GALNTL6: variants seen among roughly 807,000 people sequenced by gnomAD.
GALNTL6 encodes the protein polypeptide N-acetylgalactosaminyltransferase-like 6.
A neutral mutation model predicts 73.7 loss-of-function variants in GALNTL6; 46 were observed. That is an observed-to-expected ratio of 0.62 (90% CI 0.49 to 0.80). The LOEUF (loss-of-function observed/expected upper bound fraction) is 0.80. Among genes scored for constraint, GALNTL6 ranks in the 30% least tolerant of loss-of-function variants. The pLI is 0.00. For synonymous variants in GALNTL6, 259 were observed against 263.7 expected (o/e 0.98, Z 0.17); for missense variants, 604 against 755.0 (o/e 0.80, Z 2.34).
At chr4:171,910,509 A>G (rs945578996) in intron 2 of GALNTL6, among the ~76,000 whole-genome samples, 1 of 152,100 alleles carries the variant, frequency 6.6e-6, no homozygotes, top group African/African-American at 2.4e-5. Flanking sequence ...TTTAATCATT[A>G]AAGCACCCTA....
intron 2 of GALNTL6, among the ~76,000 whole-genome samples, chr4:172,182,775 C>T (rs568950054): frequency 4.0e-5 from 6 of 151,436 alleles, no homozygotes; most frequent in South Asian, 4.2e-4. Flanking sequence ...TATGACAAAC[C>T]GTAAATTCAT....
intron 2 of GALNTL6, among the ~76,000 whole-genome samples, chr4:171,887,238 C>A (rs182370368): frequency 1.4e-4 from 21 of 152,208 alleles, no homozygotes; most frequent in African/African-American, 3.9e-4. Context: ...AACCCCACCT[C>A]CCAACATTTG....
intron 5 of GALNTL6, among the ~76,000 whole-genome samples, chr4:172,701,176 T>C (rs1224227934): frequency 1.3e-5 from 2 of 152,124 alleles, no homozygotes; most frequent in Non-Finnish European, 1.5e-5. Flanking sequence ...GATAAATTGA[T>C]TTTTCAGTAG....
intron 2 of GALNTL6, among the ~76,000 whole-genome samples, chr4:171,824,651 A>T (rs1413299826): frequency 6.6e-6 from 1 of 152,186 alleles, no homozygotes; most frequent in Non-Finnish European, 1.5e-5. Flanking sequence ...GATTGGAAAA[A>T]GAGAAAAAAC....
intron 2 of GALNTL6, among the ~76,000 whole-genome samples, chr4:171,996,579 T>C (rs1740491301): frequency 6.6e-6 from 1 of 152,052 alleles, no homozygotes; most frequent in Non-Finnish European, 1.5e-5. Context: ...CTGTTACTAT[T>C]AGGATTATTA....
chr4:172,236,273 A>G (rs1483439311), intron 3 of GALNTL6, among the ~76,000 whole-genome samples: 1 of 152,204 alleles, frequency 6.6e-6, no homozygotes, highest in Non-Finnish European at 1.5e-5. Flanking sequence ...TAATCTTTAT[A>G]AAAGTATATT....
chr4:172,146,733 A>C (rs571472350), intron 2 of GALNTL6, among the ~76,000 whole-genome samples: 2 of 152,324 alleles, frequency 1.3e-5, no homozygotes, highest in African/African-American at 4.8e-5. Context: ...GCAGGGACCC[A>C]GTGCAGAGTC....
chr4:172,694,691 A>G (rs1047817696), intron 5 of GALNTL6, among the ~76,000 whole-genome samples: 4 of 152,208 alleles, frequency 2.6e-5, no homozygotes, highest in Admixed American at 2.0e-4. Context: ...TGAGGAAAGT[A>G]GGGTTATTTC....
chr4:172,714,295 G>A (rs990565752), intron 5 of GALNTL6, among the ~76,000 whole-genome samples: 5 of 116,790 alleles, frequency 4.3e-5, no homozygotes, highest in African/African-American at 6.7e-5. Flanking sequence ...TACAGTGGTG[G>A]TTTCACACCA....
chr4:173,008,208 C>T (rs1427724062), intron 10 of GALNTL6, among the ~76,000 whole-genome samples: 1 of 152,234 alleles, frequency 6.6e-6, no homozygotes, highest in Non-Finnish European at 1.5e-5. Context: ...TCACTCGCCT[C>T]CATCACATCC....
At chr4:172,423,168 C>A (rs1310147091) in intron 5 of GALNTL6, among the ~76,000 whole-genome samples, 2 of 151,892 alleles carry the variant, frequency 1.3e-5, no homozygotes, top group Non-Finnish European at 2.9e-5. Flanking sequence ...ATTCTCTGAC[C>A]TGGGTTATGC....
At chr4:172,282,610 T>C (rs888759784) in intron 3 of GALNTL6, among the ~76,000 whole-genome samples, 4 of 151,294 alleles carry the variant, frequency 2.6e-5, no homozygotes, top group Non-Finnish European at 4.4e-5. Flanking sequence ...GCAGTTTTCA[T>C]TGTAAGTGCA....
chr4:171,825,351 A>G (rs1375495815), intron 2 of GALNTL6, among the ~76,000 whole-genome samples: 1 of 152,110 alleles, frequency 6.6e-6, no homozygotes, highest in Non-Finnish European at 1.5e-5. Context: ...AGACAGGGGA[A>G]TGGAAAGCTG....
intron 2 of GALNTL6, among the ~76,000 whole-genome samples, chr4:172,096,397 C>T (rs1333741632): frequency 6.6e-6 from 1 of 152,088 alleles, no homozygotes; most frequent in Admixed American, 6.6e-5. Context: ...CGGGCTTGGC[C>T]TCTGTTTCTT....
At chr4:171,953,108 G>A (rs144771339) in intron 2 of GALNTL6, among the ~76,000 whole-genome samples, 80 of 152,058 alleles carry the variant, frequency 5.3e-4, no homozygotes, top group African/African-American at 1.8e-3. Context: ...TTACTGAAAG[G>A]CAATGAAAAA....
chr4:172,359,064 A>G (rs904759491), intron 5 of GALNTL6, among the ~76,000 whole-genome samples: 3 of 152,184 alleles, frequency 2.0e-5, no homozygotes, highest in African/African-American at 7.2e-5. Context: ...TCATTCTACC[A>G]TGAAGACACA....
chr4:171,976,703 A>G lies in GALNTL6; in HGVS notation c.138+161985A>G, dbSNP rs144463113. Among the ~76,000 whole-genome samples, 68 of 152,324 alleles carry G rather than the reference A, an allele frequency of 4.5e-4. 2 individuals carry two copies. The East Asian group carries it at 0.012, about 26-fold the overall frequency. On this transcript the variant is annotated intron_variant, in intron 2 of 12. Transcript: ENST00000506823. Reference sequence around the variant, plus strand: ...GTAAAGAGATATGTGGTCATATCCTATGAAATAACTGTGAGTCGTTTAGGA... The same window carrying G: ...GTAAAGAGATATGTGGTCATATCCTGTGAAATAACTGTGAGTCGTTTAGGA...
chr4:172,154,231 T>C (rs1368200477), intron 2 of GALNTL6, among the ~76,000 whole-genome samples: 1 of 151,402 alleles, frequency 6.6e-6, no homozygotes, highest in African/African-American at 2.4e-5. Flanking sequence ...TTGTTTTTTG[T>C]TTGTTTGTTT....
intron 2 of GALNTL6, among the ~76,000 whole-genome samples, chr4:171,903,075 TG>T (rs1737149410): frequency 6.6e-6 from 1 of 152,122 alleles, no homozygotes; most frequent in South Asian, 2.1e-4. Flanking sequence ...CTAACTCAAG[TG>T]GAAGTACTTA....
Sources: allele counts gnomAD v4.1 joint callset (sites outside exome capture counted in the v4.1 genomes callset), GRCh38; gene constraint gnomAD v4.1.1; transcripts MANE v1.5; gene names NCBI Gene and HGNC (gene_info 2026-07-23, HGNC 2026-07-21).